Variants in TSPAN18 observed in about 807,000 individuals in gnomAD.
TSPAN18 encodes the protein tetraspanin-18.
TSPAN18 carries 14 observed loss-of-function variants against 27.3 expected under a neutral mutation model. The ratio of observed to expected loss-of-function variants is 0.51; its 90% CI spans 0.34 to 0.80. TSPAN18 has a LOEUF of 0.80. Ranked by LOEUF, TSPAN18 falls within the 30% of genes least tolerant of loss-of-function variation. The pLI is 0.01. For synonymous variants in TSPAN18, 143 were observed against 136.5 expected (o/e 1.05, Z -0.33); for missense variants, 268 against 323.9 (o/e 0.83, Z 1.32).
At chr11:44,742,507 G>T (rs1204099482) in intron 1 of TSPAN18, among the ~76,000 whole-genome samples, 1 of 152,050 alleles carries the variant, frequency 6.6e-6, no homozygotes, top group Non-Finnish European at 1.5e-5. Flanking sequence ...TAGTCATCCA[G>T]CCCAGCAGTG....
At chr11:44,731,135 G>A (rs890932204) in intron 1 of TSPAN18, among the ~76,000 whole-genome samples, 2 of 152,160 alleles carry the variant, frequency 1.3e-5, no homozygotes, top group Non-Finnish European at 2.9e-5. Flanking sequence ...TGTACAAAAG[G>A]CAACAGGATG....
At chr11:44,728,035 T>G (rs868165118) in intron 1 of TSPAN18, among the ~76,000 whole-genome samples, 45 of 152,310 alleles carry the variant, frequency 3.0e-4, no homozygotes, top group African/African-American at 9.9e-4. Context: ...GCCCCGGCCC[T>G]CGCCAGCAGG....
At chr11:44,899,055 G>T (rs986208361) in intron 3 of TSPAN18, among the ~76,000 whole-genome samples, 9 of 152,190 alleles carry the variant, frequency 5.9e-5, no homozygotes, top group African/African-American at 2.2e-4. Context: ...CCACAGAGCA[G>T]ATCCTGAGGC....
chr11:44,794,454 G>A (rs1371429463), intron 2 of TSPAN18, among the ~76,000 whole-genome samples: 1 of 152,150 alleles, frequency 6.6e-6, no homozygotes, highest in African/African-American at 2.4e-5. Flanking sequence ...GATCACCTGA[G>A]GTCAGGAGTT....
intron 4 of TSPAN18, chr11:44,909,487 T>C: frequency 1.8e-6 from 1 of 541,312 alleles, no homozygotes; most frequent in African/African-American, 1.9e-5. Context: ...ATTTAGAGGA[T>C]GCGTGTTGCA....
intron 3 of TSPAN18, among the ~76,000 whole-genome samples, chr11:44,879,126 C>T (rs1219869278): frequency 1.3e-5 from 2 of 152,100 alleles, no homozygotes; most frequent in African/African-American, 4.8e-5. Context: ...TTTACTGAGC[C>T]CCGCAAATGA....
chr11:44,782,198 G>A (rs2134954699), intron 2 of TSPAN18, among the ~76,000 whole-genome samples: 1 of 152,074 alleles, frequency 6.6e-6, no homozygotes, highest in East Asian at 1.9e-4. Context: ...TTTGTCTTTT[G>A]GAAGTATCCT....
At chr11:44,742,148 A>G (rs1054326839) in intron 1 of TSPAN18, among the ~76,000 whole-genome samples, 8 of 152,250 alleles carry the variant, frequency 5.3e-5, no homozygotes, top group Middle Eastern at 3.4e-3. Context: ...TCTGAAGCAT[A>G]GCAAGACCTG....
chr11:44,834,912 G>C (rs77683089), intron 2 of TSPAN18, among the ~76,000 whole-genome samples: 2,475 of 152,304 alleles, frequency 0.016, 83 homozygotes, highest in African/African-American at 0.057. Flanking sequence ...GAAAGCAAGG[G>C]GGCGAGGTTA....
At chr11:44,754,425 G>A (rs1353709816) in intron 1 of TSPAN18, among the ~76,000 whole-genome samples, 1 of 152,172 alleles carries the variant, frequency 6.6e-6, no homozygotes, top group African/African-American at 2.4e-5. Flanking sequence ...ACTGCACATT[G>A]CATCCACGTG....
At chr11:44,802,819 A>G (rs1326107781) in intron 2 of TSPAN18, among the ~76,000 whole-genome samples, 1 of 152,222 alleles carries the variant, frequency 6.6e-6, no homozygotes. Flanking sequence ...GCTTTACTAG[A>G]GAAGCCTTCC....
At position 44,931,643 on chromosome 11, in the gene TSPAN18, T is replaced by C. The variant is rs1039027880; in HGVS notation, c.*2465T>C. ...AGGCAGTTTCTGCTCCTGTTGGCAT[T>C]CGCTCAGGCTGGTAGCTATTTGCAA... On this transcript the variant is annotated 3_prime_UTR_variant, in exon 10 of 10. Transcript: ENST00000520358. The C allele has an allele frequency of 6.6e-6, 1 of 152,330 alleles. No homozygotes were observed. The highest frequency in any genetic ancestry group is 1.5e-5 in the Non-Finnish European group (1 of 68,114). 9.4% of individuals were successfully genotyped at this position (152,330 alleles called of 1,614,324 possible). A position where few individuals can be genotyped will look rare whatever the true frequency, so the allele number is the denominator to read the frequency against.
At chr11:44,797,301 A>G (rs1321432959) in intron 2 of TSPAN18, among the ~76,000 whole-genome samples, 1 of 152,182 alleles carries the variant, frequency 6.6e-6, no homozygotes, top group East Asian at 1.9e-4. Flanking sequence ...TTCACAAACC[A>G]GACTCTGGAC....
chr11:44,861,956 C>A (rs1857902466), intron 3 of TSPAN18, among the ~76,000 whole-genome samples: 1 of 152,108 alleles, frequency 6.6e-6, no homozygotes. Context: ...TTTCAGCCAC[C>A]CCAGCGCCTG....
intron 3 of TSPAN18, among the ~76,000 whole-genome samples, chr11:44,905,502 G>A (rs1393040427): frequency 6.6e-6 from 1 of 152,178 alleles, no homozygotes; most frequent in East Asian, 1.9e-4. Context: ...CCTGCCCTGA[G>A]TCTCTCCTCA....
rs756112106 is a variant in TSPAN18, at chr11:44,926,750, C to T, written c.692C>T (p.Ala231Val). 6 of 1,614,014 alleles carry T rather than the reference C, an allele frequency of 3.7e-6. No homozygotes were observed. The highest frequency in any genetic ancestry group is 2.2e-5 in the East Asian group (1 of 44,904). The change falls in exon 9 of 10, where the codon GCC becomes GTC. Residue 231 changes from alanine to valine, a missense_variant. Physicochemically the swap from Ala to Val is moderately conservative, Grantham distance 64. Transcript: ENST00000520358. ...LAGALAIGVL[A>V]IELFAMIFAM... Reference sequence around the variant, plus strand: ...GGAGCCCTTGCCATCGGGGTACTGGCCATCGAGGTAAGTAAAGGCCCCCAC... The same window carrying T: ...GGAGCCCTTGCCATCGGGGTACTGGTCATCGAGGTAAGTAAAGGCCCCCAC...
chr11:44,778,668 A>G (rs2134941832), intron 2 of TSPAN18, among the ~76,000 whole-genome samples: 1 of 152,244 alleles, frequency 6.6e-6, no homozygotes, highest in African/African-American at 2.4e-5. Context: ...TAATACCCGC[A>G]TTTATTTAGT....
chr11:44,908,768 G>GA (rs773586685), intron 4 of TSPAN18, among the ~76,000 whole-genome samples: 2,356 of 28,098 alleles, frequency 0.084, 222 homozygotes, highest in Admixed American at 0.1. Context: ...GAGAGAGAAA[G>GA]GAGAAAGAAA....
At chr11:44,748,869 C>G (rs1247525002) in intron 1 of TSPAN18, among the ~76,000 whole-genome samples, 1 of 152,220 alleles carries the variant, frequency 6.6e-6, no homozygotes, top group Non-Finnish European at 1.5e-5. Flanking sequence ...TATCCCTCCT[C>G]CCACCCACTT....
Sources: allele counts gnomAD v4.1 joint callset (sites outside exome capture counted in the v4.1 genomes callset), GRCh38; gene constraint gnomAD v4.1.1; transcripts MANE v1.5; gene names NCBI Gene and HGNC (gene_info 2026-07-23, HGNC 2026-07-21).